ZNF182: variants seen among roughly 807,000 people sequenced by gnomAD.
ZNF182 encodes zinc finger protein 182.
In ZNF182, 10 loss-of-function variants were observed where a neutral mutation model predicts 28.1. The ratio of observed to expected loss-of-function variants is 0.36; its 90% CI spans 0.22 to 0.60. ZNF182 has a LOEUF of 0.60. Ranked by LOEUF, ZNF182 falls within the 20% of genes least tolerant of loss-of-function variation. The probability of loss-of-function intolerance (pLI) is 0.75; values close to 1 mark genes in which losing one functional copy is unlikely to be tolerated. For missense variants in ZNF182, 352 were observed against 453.2 expected, an observed-to-expected ratio of 0.78 and a Z score of 2.03; for synonymous variants, 156 against 158.7, an observed-to-expected ratio of 0.98 and a Z score of 0.13.
chrX:47,992,338 C>T (rs2058944724), intron 3 of ZNF182, among the ~76,000 whole-genome samples: 1 of 111,742 alleles, frequency 8.9e-6, no homozygotes, highest in Admixed American at 9.5e-5. Flanking sequence ...CCTCCATCTC[C>T]TCCCTGTTCC....
intron 3 of ZNF182, among the ~76,000 whole-genome samples, chrX:47,985,538 T>C (rs960019240): frequency 2.7e-5 from 3 of 111,703 alleles, no homozygotes; most frequent in African/African-American, 6.5e-5. Context: ...TCTGAGACCT[T>C]ACCCTATGCA....
intron 3 of ZNF182, chrX:47,988,735 C>A (rs1207747586): frequency 1.0e-5 from 3 of 296,971 alleles, no homozygotes; most frequent in Admixed American, 1.2e-4. Context: ...CTCTCACTGG[C>A]CAACTCAGGG....
In ZNF182 at chrX:47,985,535, C is replaced by T. The variant is rs1467766545; in HGVS notation, c.16-2124G>A. ...GCTTCATGGCTGGGACCCTCTGAGA[C>T]CTTACCCTATGCATCACTCCCTTTG... On this transcript the variant is annotated intron_variant, in intron 3 of 5. Transcript: ENST00000376943. Among the ~76,000 whole-genome samples, 4 of 111,528 alleles carry T rather than the reference C, an allele frequency of 3.6e-5. No homozygotes were observed. In the East Asian group the frequency reaches 1.1e-3, roughly 31 times the overall value.
At chrX:47,983,698 C>T (rs1252199685) in intron 3 of ZNF182, among the ~76,000 whole-genome samples, 1 of 111,747 alleles carries the variant, frequency 8.9e-6, no homozygotes, top group Non-Finnish European at 1.9e-5. Context: ...TGATTTATGA[C>T]AAAGTTGGCA....
intron 3 of ZNF182, among the ~76,000 whole-genome samples, chrX:47,997,641 A>G (rs1259781391): frequency 1.8e-5 from 2 of 110,788 alleles, no homozygotes; most frequent in Non-Finnish European, 3.8e-5. Flanking sequence ...AAAATACAAA[A>G]ATTAGCTGGG....
At chrX:47,977,913 G>GGA in intron 5 of ZNF182, 116 bp from the exon 6 acceptor site, 1 of 707,142 alleles carries the variant, frequency 1.4e-6, no homozygotes. Flanking sequence ...CAGAGTTCCT[G>GGA]GAGAGAGAGT....
intron 5 of ZNF182, among the ~76,000 whole-genome samples, 188 bp downstream of exon 5, chrX:47,982,761 G>T (rs1192577226): frequency 2.7e-5 from 3 of 111,399 alleles, no homozygotes; most frequent in Non-Finnish European, 3.8e-5. Flanking sequence ...AAGGAGAGTG[G>T]CCTGGTGTAT....
chrX:47,981,161 C>A (rs1481373328), intron 5 of ZNF182, among the ~76,000 whole-genome samples: 1 of 112,319 alleles, frequency 8.9e-6, no homozygotes, highest in East Asian at 2.8e-4. Context: ...CAAAACAATT[C>A]TCTAACCTCT....
At chrX:47,999,681 A>C (rs1411702314) in intron 3 of ZNF182, among the ~76,000 whole-genome samples, 1 of 112,024 alleles carries the variant, frequency 8.9e-6, no homozygotes, top group Non-Finnish European at 1.9e-5. Flanking sequence ...AATTTAGTGC[A>C]TATTTTCAAA....
intron 2 of ZNF182, among the ~76,000 whole-genome samples, chrX:48,003,227 C>T (rs955829321): frequency 3.1e-4 from 35 of 112,307 alleles, no homozygotes; most frequent in African/African-American, 1.0e-3. Flanking sequence ...AAAAGGCATA[C>T]CCCTATACAC....
At chrX:47,987,925 G>A (rs1166488725) in intron 3 of ZNF182, among the ~76,000 whole-genome samples, 4 of 111,521 alleles carry the variant, frequency 3.6e-5, no homozygotes, top group African/African-American at 1.3e-4. Context: ...ATAAGAAAAC[G>A]CTCAGAGCTC....
chrX:48,003,917 G>A lies in ZNF182; in HGVS notation c.-248C>T, dbSNP rs1280959271. The A allele has an allele frequency of 4.5e-5, 5 of 110,271 alleles. No homozygotes were observed. Among genetic ancestry groups the A allele is most frequent in the Non-Finnish European group, 7.6e-5 (4 of 52,802 alleles). The allele number at this position is 110,271 out of a possible 1,213,427, so 9.1% of individuals were successfully genotyped here. ...TGCCCCCTCAACCTCACTCTCTCTC[G>A]ATAACAGATTTTCTGCTCGCTGCTC... On this transcript the variant is annotated 5_prime_UTR_variant, in exon 1 of 6. Coordinates refer to ENST00000376943, the MANE Select transcript of ZNF182 (RefSeq NM_001007088.2).
rs2058881118 is a variant in ZNF182 at position 47,975,808 on chromosome X, T to C, written c.*359A>G. On this transcript the variant is annotated 3_prime_UTR_variant, in exon 6 of 6. Transcript: ENST00000376943. ...TGCCCACGCACTGTTACCACTGTTA[T>C]ATCTATGGTTCCGCGCCTCGGGGTA... 2 of 145,371 alleles carry C rather than the reference T, an allele frequency of 1.4e-5. No individual in the cohort carries two copies. The highest frequency in any genetic ancestry group is 6.2e-5 in the African/African-American group (2 of 32,090). 12.0% of individuals were successfully genotyped at this position (145,371 alleles called of 1,213,427 possible). A position where few individuals can be genotyped will look rare whatever the true frequency, so the allele number is the denominator to read the frequency against.
chrX:47,977,846 G>A (rs202042983), intron 5 of ZNF182, 49 bp from the exon 6 acceptor site: 36 of 1,025,191 alleles, frequency 3.5e-5, no homozygotes, highest in Admixed American at 7.1e-5. Context: ...ATTATGGAGC[G>A]GACCTTCTTT....
chrX:47,982,291 A>AGTG (rs369892353), intron 5 of ZNF182, among the ~76,000 whole-genome samples: 22 of 111,812 alleles, frequency 2.0e-4, no homozygotes, highest in African/African-American at 6.8e-4. Flanking sequence ...AAAATAGATC[A>AGTG]GTGGTTGCCA....
At chrX:47,991,622 C>T (rs2058941959) in intron 3 of ZNF182, among the ~76,000 whole-genome samples, 1 of 111,667 alleles carries the variant, frequency 9.0e-6, no homozygotes, top group South Asian at 3.7e-4. Flanking sequence ...ATGGCACAGA[C>T]TCCTCTTTCC....
Position 47,977,577 on chromosome X carries a change from A to G in ZNF182, c.453T>C (p.Asn151=), listed in dbSNP as rs1556898476. 1.7e-6 allele frequency: 2 copies of G among 1,204,708 alleles called. No individual in the cohort carries two copies. The highest frequency in any genetic ancestry group is 1.7e-5 in the African/African-American group (1 of 57,148). The change falls in exon 6 of 6, where the codon AAT becomes AAC. Residue 151 remains asparagine (N), a synonymous_variant. Transcript: ENST00000376943. The part of the protein sequence containing the change: ...HESFGNNMVD[N]LDLFSRSSAE... ...CAGAACTTCTACTAAATAAGTCTAA[A>G]TTATCTACCATATTATTTCCAAATG... is the stretch of plus-strand genomic sequence containing the variant.
At chrX:47,994,678 G>A (rs1469456612) in intron 3 of ZNF182, among the ~76,000 whole-genome samples, 1 of 111,557 alleles carries the variant, frequency 9.0e-6, no homozygotes, top group Non-Finnish European at 1.9e-5. Context: ...TCGCTCTGTT[G>A]CCCAGGCTGG....
At chrX:48,001,525 A>G (rs2058978387) in intron 3 of ZNF182, among the ~76,000 whole-genome samples, 1 of 111,576 alleles carries the variant, frequency 9.0e-6, no homozygotes, top group Non-Finnish European at 1.9e-5. Flanking sequence ...AGCTGCCAAG[A>G]GTTTAGGAAT....
Sources: allele counts gnomAD v4.1 joint callset (sites outside exome capture counted in the v4.1 genomes callset), GRCh38; gene constraint gnomAD v4.1.1; transcripts MANE v1.5; gene names NCBI Gene and HGNC (gene_info 2026-07-23, HGNC 2026-07-21).